The following PDE4D variants were observed in gnomAD, a reference collection of about 807,000 sequenced individuals.
PDE4D encodes the protein phosphodiesterase 4D, also known as 3',5'-cyclic-AMP phosphodiesterase 4D.
PDE4D carries 24 observed loss-of-function variants against 87.4 expected under a neutral mutation model. The ratio of observed to expected loss-of-function variants is 0.27; its 90% confidence interval spans 0.20 to 0.39. The LOEUF is 0.39. Ranked by LOEUF, PDE4D falls within the 10% of genes least tolerant of loss-of-function variation. The pLI, the probability that PDE4D is intolerant of heterozygous loss-of-function variation, is 1.00. For missense variants in PDE4D, 714 were observed against 1,041.0 expected, an observed-to-expected ratio of 0.69 and a Z score of 4.32; for synonymous variants, 384 against 383.2, an observed-to-expected ratio of 1.00 and a Z score of -0.02.
At chr5:59,936,494 A>G (rs1401579002) in intron 3 of PDE4D, among the ~76,000 whole-genome samples, 1 of 152,228 alleles carries the variant, frequency 6.6e-6, no homozygotes, top group Admixed American at 6.5e-5. Context: ...CTATTTTGTC[A>G]TACATATAAG....
chr5:60,231,093 G>GTAGAAAGAAATTAAAAC (rs1273668511), intron 1 of PDE4D, among the ~76,000 whole-genome samples: 1 of 152,024 alleles, frequency 6.6e-6, no homozygotes, highest in Non-Finnish European at 1.5e-5. Flanking sequence ...ACTTCATAAA[G>GTAGAAAGAAATTAAAAC]TAGAAAGAAA....
intron 1 of PDE4D, among the ~76,000 whole-genome samples, chr5:59,717,701 T>C (rs1427549956): frequency 6.6e-6 from 1 of 152,210 alleles, no homozygotes; most frequent in African/African-American, 2.4e-5. Context: ...TTGCAATAAT[T>C]AGAAACATTT....
At chr5:59,527,912 A>G (rs937271480) in intron 1 of PDE4D, among the ~76,000 whole-genome samples, 1 of 152,218 alleles carries the variant, frequency 6.6e-6, no homozygotes, top group East Asian at 1.9e-4. Context: ...AAGAAAAATT[A>G]GTTTTTTATT....
intron 2 of PDE4D, among the ~76,000 whole-genome samples, chr5:60,044,564 T>G (rs1768968397): frequency 6.6e-6 from 1 of 151,684 alleles, no homozygotes; most frequent in Admixed American, 6.6e-5. Flanking sequence ...CCTTCCTGTG[T>G]CCATGTGTTC....
At chr5:59,942,928 G>C (rs1174060612) in intron 3 of PDE4D, among the ~76,000 whole-genome samples, 1 of 151,926 alleles carries the variant, frequency 6.6e-6, no homozygotes, top group Admixed American at 6.6e-5. Context: ...CAACTTGTGG[G>C]GCGAGGGACA....
chr5:59,929,834 G>A (rs916269621), intron 3 of PDE4D, among the ~76,000 whole-genome samples: 6 of 152,250 alleles, frequency 3.9e-5, no homozygotes, highest in Admixed American at 3.3e-4. Context: ...CAGGGAAAAT[G>A]CTTCCTTTCA....
intron 1 of PDE4D, among the ~76,000 whole-genome samples, chr5:59,527,378 G>C (rs1214644329): frequency 4.6e-5 from 7 of 152,048 alleles, no homozygotes; most frequent in African/African-American, 1.7e-4. Context: ...TGTTCACAAA[G>C]TATTCATTTT....
At chr5:59,090,215 G>A (rs937571183) in intron 5 of PDE4D, among the ~76,000 whole-genome samples, 1 of 151,980 alleles carries the variant, frequency 6.6e-6, no homozygotes, top group Non-Finnish European at 1.5e-5. Context: ...TCTTTCTTTT[G>A]AAAAACAAAC....
intron 1 of PDE4D, among the ~76,000 whole-genome samples, chr5:59,772,527 G>A (rs1319204657): frequency 6.6e-6 from 1 of 152,086 alleles, no homozygotes; most frequent in African/African-American, 2.4e-5. Context: ...AAAATGTTTT[G>A]TCTCATTAAT....
chr5:59,520,157 G>T (rs532846970), intron 1 of PDE4D, among the ~76,000 whole-genome samples: 1 of 152,136 alleles, frequency 6.6e-6, no homozygotes, highest in South Asian at 2.1e-4. Flanking sequence ...CAGCTACTTC[G>T]AAGGCTAAGG....
chr5:59,261,392 A>G (rs931769093), intron 1 of PDE4D, among the ~76,000 whole-genome samples: 1 of 152,026 alleles, frequency 6.6e-6, no homozygotes, highest in African/African-American at 2.4e-5. Flanking sequence ...TAATAGTAAA[A>G]TGAGTTTATT....
At chr5:59,768,307 C>T (rs368415022) in intron 1 of PDE4D, 1 of 1,598,080 alleles carries the variant, frequency 6.3e-7, no homozygotes, top group African/African-American at 1.3e-5. Context: ...AAGCATTCTG[C>T]GCAGAAGCCT....
At chr5:59,652,348 G>A (rs1453979910) in intron 1 of PDE4D, among the ~76,000 whole-genome samples, 1 of 152,126 alleles carries the variant, frequency 6.6e-6, no homozygotes, top group Non-Finnish European at 1.5e-5. Flanking sequence ...ATGAACCTTA[G>A]ACAAATTTTC....
intron 5 of PDE4D, among the ~76,000 whole-genome samples, chr5:59,152,363 A>T (rs559746384): frequency 6.6e-5 from 10 of 152,308 alleles, no homozygotes; most frequent in African/African-American, 2.4e-4. Flanking sequence ...TCTGCTAATA[A>T]TTTTAACCTT....
intron 1 of PDE4D, among the ~76,000 whole-genome samples, chr5:59,413,674 G>A (rs557712038): frequency 2.7e-4 from 41 of 152,126 alleles, no homozygotes; most frequent in African/African-American, 9.2e-4. Context: ...TGTGATATGC[G>A]GGAAATAATA....
chr5:59,257,911 G>C (rs1761281604), intron 1 of PDE4D, among the ~76,000 whole-genome samples: 2 of 151,886 alleles, frequency 1.3e-5, no homozygotes, highest in South Asian at 4.2e-4. Flanking sequence ...AGACAGGCTA[G>C]CAACAGAAAT....
intron 1 of PDE4D, among the ~76,000 whole-genome samples, chr5:59,291,486 A>G (rs27179): frequency 0.33 from 49,928 of 151,672 alleles, 9,940 homozygotes; most frequent in East Asian, 0.69. Context: ...ATGTAATTAG[A>G]TAGAATCAAT....
chr5:60,308,928 ACTCTT>A (rs1320065455), intron 1 of PDE4D, among the ~76,000 whole-genome samples: 1 of 152,008 alleles, frequency 6.6e-6, no homozygotes, highest in Non-Finnish European at 1.5e-5. Context: ...TTAGTGATAA[ACTCTT>A]CTCCGAAAAA....
chr5:59,120,093 G>A (rs556911396), intron 5 of PDE4D, among the ~76,000 whole-genome samples: 56 of 152,180 alleles, frequency 3.7e-4, no homozygotes, highest in Admixed American at 7.8e-4. Context: ...TCGGCCTCCC[G>A]AAGCACCAGG....
Sources: gnomAD v4.1 joint callset for allele counts (sites outside exome capture counted in the v4.1 genomes callset) on GRCh38, gnomAD v4.1.1 for gene constraint, MANE v1.5 for transcripts, NCBI Gene and HGNC (gene_info 2026-07-23, HGNC 2026-07-21) for gene names.